The following RIPPLY3 variants were observed in gnomAD, a reference collection of about 807,000 sequenced individuals.
RIPPLY3 encodes protein ripply3.
In RIPPLY3, 8 loss-of-function variants were observed where a neutral mutation model predicts 11.9. The observed-to-expected ratio is 0.67, with a 90% CI of 0.40 to 1.21. The LOEUF is 1.21. Among genes scored for constraint, RIPPLY3 ranks in the 50% most tolerant of loss-of-function variants. The probability of loss-of-function intolerance (pLI) is 0.01; values close to 1 mark genes in which losing one functional copy is unlikely to be tolerated. For missense variants in RIPPLY3, 271 were observed against 246.0 expected, an observed-to-expected ratio of 1.10 and a Z score of -0.68; for synonymous variants, 102 against 99.0, an observed-to-expected ratio of 1.03 and a Z score of -0.18.
rs1325057313 is a variant in RIPPLY3 at position 37,019,063 on chromosome 21, A to T, written c.*856A>T. The T allele has an allele frequency of 6.6e-6, 1 of 151,838 alleles. No homozygotes were observed. 9.4% of individuals were successfully genotyped at this position (151,838 alleles called of 1,614,324 possible). A position where few individuals can be genotyped will look rare whatever the true frequency, so the allele number is the denominator to read the frequency against. On this transcript the variant is annotated 3_prime_UTR_variant, in exon 4 of 4. Transcript: ENST00000329553. ...AATAATTCCCATAAGAGTAACAAAA[A>T]GGACCAGCCTGACCAACGTGGAGAA...
chr21:37,013,563 G>T lies in RIPPLY3; in HGVS notation c.184G>T (p.Ala62Ser). The T allele has an allele frequency of 6.2e-7, 1 of 1,613,616 alleles. No individual in the cohort carries two copies. Among genetic ancestry groups the T allele is most frequent in the South Asian group, 1.1e-5 (1 of 91,010 alleles). ...TRTGRPLEPR[A>S]DQHTFGSKGA... ...TCTGTCGTTACAGCTTGAACCTAGG[G>T]CTGACCAACACACTTTTGGATCAAA... The change falls in exon 3 of 4, where the codon GCT becomes TCT. Residue 62 changes from alanine (A) to serine (S), a missense_variant. Coordinates refer to ENST00000329553, the MANE Select transcript of RIPPLY3 (RefSeq NM_018962.3).
intron 3 of RIPPLY3, among the ~76,000 whole-genome samples, chr21:37,016,447 G>T (rs932352869): frequency 6.6e-6 from 1 of 152,080 alleles, no homozygotes; most frequent in African/African-American, 2.4e-5. Flanking sequence ...TGAAAAAAAA[G>T]GATATTGAAA....
chr21:37,010,376 C>T (rs1022344808), intron 2 of RIPPLY3, among the ~76,000 whole-genome samples: 4 of 152,124 alleles, frequency 2.6e-5, no homozygotes, highest in Non-Finnish European at 5.9e-5. Flanking sequence ...GCCTGTAATC[C>T]TAGCTACTCG....
intron 3 of RIPPLY3, among the ~76,000 whole-genome samples, chr21:37,015,520 C>A (rs1601099270): frequency 6.6e-6 from 1 of 152,164 alleles, no homozygotes; most frequent in East Asian, 1.9e-4. Context: ...GCATGAGCTG[C>A]AGCCATGCAC....
At chr21:37,013,165 A>G (rs1183723327) in intron 2 of RIPPLY3, among the ~76,000 whole-genome samples, 3 of 152,132 alleles carry the variant, frequency 2.0e-5, no homozygotes, top group Non-Finnish European at 4.4e-5. Flanking sequence ...TTGCAAACCC[A>G]CATGCCACAG....
At position 37,018,117 on chromosome 21, in the gene RIPPLY3, G is replaced by A. The variant is rs1245020028; in HGVS notation, c.483G>A (p.Gln161=). 1 of 1,614,058 alleles carries A rather than the reference G, an allele frequency of 6.2e-7. No individual in the cohort carries two copies. Residue 161 remains glutamine, a synonymous_variant, in exon 4 of 4, where the codon CAG becomes CAA. Coordinates refer to ENST00000329553, the MANE Select transcript of RIPPLY3 (RefSeq NM_018962.3). The stretch of plus-strand genomic sequence containing the variant: ...GAGACCAGGGCATCAACCAAGGGCA[G>A]CGATCCTCAGGAGGGGGTGACCACT... The part of the protein sequence containing the change: ...KGRDQGINQG[Q]RSSGGGDHWG...
intron 1 of RIPPLY3, 110 bp from the exon 2 acceptor site, chr21:37,008,047 C>A: frequency 9.0e-7 from 1 of 1,106,026 alleles, no homozygotes; most frequent in Non-Finnish European, 1.3e-6. Flanking sequence ...CTGGGGGGTC[C>A]GGTGCCTCTT....
chr21:37,012,042 C>T (rs909110355), intron 2 of RIPPLY3, among the ~76,000 whole-genome samples: 1 of 151,390 alleles, frequency 6.6e-6, no homozygotes, highest in Non-Finnish European at 1.5e-5. Context: ...CTCCGCCACC[C>T]GCCCCAGCGT....
Position 37,008,256 on chromosome 21 carries a change from T to C in RIPPLY3, c.171+33T>C, listed in dbSNP as rs759818286. ...TCAGTGCGGGCGTTGTAGGTAACCC[T>C]TCCAGCCAGAAAGTGGCATCGTCTT... On this transcript the variant is annotated intron_variant, in intron 2 of 3. Coordinates refer to ENST00000329553, the MANE Select transcript of RIPPLY3 (RefSeq NM_018962.3). The C allele has an allele frequency of 3.1e-6, 5 of 1,609,804 alleles. No individual in the cohort carries two copies. The Admixed American group carries it at 8.4e-5, about 27-fold the overall frequency.
intron 3 of RIPPLY3, among the ~76,000 whole-genome samples, chr21:37,014,296 C>T (rs1030245463): frequency 5.9e-5 from 9 of 151,648 alleles, no homozygotes; most frequent in Non-Finnish European, 1.2e-4. Flanking sequence ...CCAGCCTGGG[C>T]GACAAGAGCG....
At chr21:37,006,446 C>T (rs998218123), upstream of RIPPLY3, 5 of 234,308 alleles carry the variant, frequency 2.1e-5, no homozygotes, top group Non-Finnish European at 4.1e-5. This position sits in a 1 kb window ranked among gnomAD's most constrained non-coding sequence, Gnocchi z 5.2. Context: ...CACCCTTGCC[C>T]GGGCCTGCCG....
In RIPPLY3 at chr21:37,018,171, C is replaced by T. The variant is rs1487783924; in HGVS notation, c.537C>T (p.Val179=). Reference sequence around the variant, plus strand: ...GGGAGGGTCCGCTCCCTCAAGGTGTCTCCTCAAGGGGTGGCAAGTGCTCCT... The same window carrying T: ...GGGAGGGTCCGCTCCCTCAAGGTGTTTCCTCAAGGGGTGGCAAGTGCTCCT... ...HWGEGPLPQG[V]SSRGGKCSSS... The change falls in exon 4 of 4, where the codon GTC becomes GTT. Residue 179 remains valine (V), a synonymous_variant. Transcript: ENST00000329553. 6.2e-7 allele frequency: 1 copy of T among 1,613,830 alleles called. No homozygotes were observed. Among genetic ancestry groups the T allele is most frequent in the Non-Finnish European group, 8.5e-7 (1 of 1,179,942 alleles).
rs1344321647 is a variant in RIPPLY3 at position 37,018,521 on chromosome 21, G to C, written c.*314G>C. 3.0e-5 allele frequency: 10 copies of C among 332,304 alleles called. No homozygotes were observed. In the Admixed American group the frequency reaches 4.5e-4, roughly 15 times the overall value. 20.6% of individuals were successfully genotyped at this position (332,304 alleles called of 1,614,324 possible). On this transcript the variant is annotated 3_prime_UTR_variant, in exon 4 of 4. Transcript: ENST00000329553. ...TTCTGCATTGTCACTCACTGATCAG[G>C]TGATGAATTCTTCCTAGATAGTCGC...
At chr21:37,012,458 C>A (rs2069534585) in intron 2 of RIPPLY3, among the ~76,000 whole-genome samples, 1 of 151,950 alleles carries the variant, frequency 6.6e-6, no homozygotes, top group African/African-American at 2.4e-5. Flanking sequence ...CCAGGCTGGT[C>A]TTGAACTCCT....
chr21:37,013,892 T>A (rs2069551776), intron 3 of RIPPLY3, among the ~76,000 whole-genome samples: 1 of 152,232 alleles, frequency 6.6e-6, no homozygotes, highest in East Asian at 1.9e-4. Flanking sequence ...AATTGTGCCT[T>A]GTATTATATT....
Position 37,006,797 on chromosome 21 carries a change from GC to G in RIPPLY3, c.28del (p.Arg10GlyfsTer42). On this transcript the variant is annotated frameshift_variant, in exon 1 of 4. Transcript: ENST00000329553. LOFTEE classifies it high-confidence loss of function. The surrounding 1 kb of genome is among the most constrained non-coding windows in gnomAD (Gnocchi z 5.2). MEPEAAAGARKARGRGCHC... is the reference protein window; with the variant it reads MEPEAAAGXRKARGRGCHC... ...CATGGAGCCCGAAGCGGCGGCCGGA[GC>G]CCGGAAGGCGCGGGGGCGCGGCTGT... The G allele has an allele frequency of 8.1e-7, 1 of 1,232,934 alleles. No homozygotes were observed. Among genetic ancestry groups the G allele is most frequent in the African/African-American group, 1.6e-5 (1 of 64,152 alleles). The allele number at this position is 1,232,934 out of a possible 1,614,324, so 76.4% of individuals were successfully genotyped here. A position where few individuals can be genotyped will look rare whatever the true frequency, so the allele number is the denominator to read the frequency against.
At position 37,006,933 on chromosome 21, in the gene RIPPLY3, C is replaced by A; in HGVS notation, c.104+57C>A. On this transcript the variant is annotated intron_variant, in intron 1 of 3. Coordinates refer to ENST00000329553, the MANE Select transcript of RIPPLY3 (RefSeq NM_018962.3). This position sits in a 1 kb window ranked among gnomAD's most constrained non-coding sequence, Gnocchi z 5.2. ...CTGAGAGGCGTGCGCGGTGGCGGTG[C>A]GGGGAGCGCAGCGAGCGGGAGGCTG... 9.7e-7 allele frequency: 1 copy of A among 1,033,508 alleles called. No individual in the cohort carries two copies. The highest frequency in any genetic ancestry group is 1.2e-6 in the Non-Finnish European group (1 of 812,338). The allele number at this position is 1,033,508 out of a possible 1,614,324, so 64.0% of individuals were successfully genotyped here. A position where few individuals can be genotyped will look rare whatever the true frequency, so the allele number is the denominator to read the frequency against.
In RIPPLY3 at chr21:37,006,879, G is replaced by A. The variant is rs1217505048; in HGVS notation, c.104+3G>A. ...CCGCCACCGCGCGGGCCGGAGAGGT[G>A]AGGGTGGCCCCGCGCCCCGGTGGAC... On this transcript the variant is annotated splice_donor_region_variant and intron_variant, in intron 1 of 3. Transcript: ENST00000329553. This position sits in a 1 kb window ranked among gnomAD's most constrained non-coding sequence, Gnocchi z 5.2. 2.5e-6 allele frequency: 3 copies of A among 1,215,822 alleles called. No individual in the cohort carries two copies. The highest frequency in any genetic ancestry group is 1.6e-5 in the African/African-American group (1 of 63,730). 75.3% of individuals were successfully genotyped at this position (1,215,822 alleles called of 1,614,324 possible).
Position 37,011,486 on chromosome 21 carries a change from C to G in RIPPLY3, c.172-2065C>G, listed in dbSNP as rs184378450. ...GTCTGATCGCAGGGCGCCAAATAGC[C>G]GTTAGCAGGGCAAGATTGCTTGTGG... On this transcript the variant is annotated intron_variant, in intron 2 of 3. Transcript: ENST00000329553. Among the ~76,000 whole-genome samples the G allele has an allele frequency of 4.2e-3, 640 of 152,288 alleles. 1 individual carries two copies. The highest frequency in any genetic ancestry group is 5.7e-3 in the Non-Finnish European group (391 of 68,026).
Sources: gnomAD v4.1 joint callset for allele counts (sites outside exome capture counted in the v4.1 genomes callset) on GRCh38, gnomAD v4.1.1 for gene constraint, Gnocchi (gnomAD v3.1) non-coding constraint, MANE v1.5 for transcripts, NCBI Gene and HGNC (gene_info 2026-07-23, HGNC 2026-07-21) for gene names.